Variants in PQBP1 observed in about 807,000 individuals in gnomAD.
The protein encoded by PQBP1 is polyglutamine binding protein 1, also known as polyglutamine-binding protein 1.
A neutral mutation model predicts 20.9 loss-of-function variants in PQBP1; 3 were observed. That is an observed-to-expected ratio of 0.14 (90% confidence interval 0.07 to 0.37). The LOEUF (loss-of-function observed/expected upper bound fraction) is 0.37. PQBP1 is among the 10% of genes least tolerant of loss of function. The probability of loss-of-function intolerance (pLI) is 1.00; values close to 1 mark genes in which losing one functional copy is unlikely to be tolerated. For missense variants in PQBP1, 162 were observed against 240.3 expected (o/e 0.67, Z 2.16); for synonymous variants, 83 against 93.8 (o/e 0.88, Z 0.67).
intron 1 of PQBP1, 37 bp downstream of exon 1, chrX:48,898,119 G>A (rs2063336605): frequency 6.9e-6 from 7 of 1,015,066 alleles, no homozygotes; most frequent in Non-Finnish European, 8.8e-6. Context: ...TGGAGCTGGA[G>A]GAAGTGCTGC....
At chrX:48,899,265 G>A (rs1428797675) in intron 2 of PQBP1, among the ~76,000 whole-genome samples, 1 of 111,733 alleles carries the variant, frequency 8.9e-6, no homozygotes, top group Non-Finnish European at 1.9e-5. Context: ...ACAGGCATAA[G>A]CCACTGTGCC....
At chrX:48,901,409 T>C (rs1393407987) in intron 3 of PQBP1, 108 bp downstream of exon 3, 2 of 1,152,204 alleles carry the variant, frequency 1.7e-6, no homozygotes, top group African/African-American at 3.6e-5. Context: ...TGGAGGGTGT[T>C]GGCATTAGGT....
In PQBP1 at chrX:48,903,060, C is replaced by G. The variant is rs1557041925; in HGVS notation, c.774C>G (p.Ala258=). 8.3e-7 allele frequency: 1 copy of G among 1,208,558 alleles called. No individual in the cohort carries two copies. Among genetic ancestry groups the G allele is most frequent in the East Asian group, 3.0e-5 (1 of 33,755 alleles). Residue 258 remains alanine (A), a synonymous_variant, in exon 7 of 7, where the codon GCC becomes GCG. Coordinates refer to ENST00000447146, the MANE Select transcript of PQBP1 (RefSeq NM_001032382.2). ...CTGTGCTCCGGGCCAATGCAGAGGC[C>G]TCCCGAACCAAGCAGCAGGATTGAA... ...PGAVLRANAE[A]SRTKQQD is the part of the protein sequence containing the mutation.
In PQBP1 at chrX:48,898,216, G is replaced by A; in HGVS notation, c.-19+134G>A. On this transcript the variant is annotated intron_variant, in intron 1 of 6. Coordinates refer to ENST00000447146, the MANE Select transcript of PQBP1 (RefSeq NM_001032382.2). ...TGAGCCCATTTCTGAAGTGCGGAGG[G>A]GCCGGGCTTCTTAGGCTGTGGGCGG... 3.1e-6 allele frequency: 3 copies of A among 974,156 alleles called. No homozygotes were observed. The South Asian group carries it at 6.3e-5, about 21-fold the overall frequency. The allele number at this position is 974,156 out of a possible 1,213,427, so 80.3% of individuals were successfully genotyped here. A position where few individuals can be genotyped will look rare whatever the true frequency, so the allele number is the denominator to read the frequency against.
rs782104114 is a variant in PQBP1 at position 48,899,877 on chromosome X, A to G, written c.67+1301A>G. Among the ~76,000 whole-genome samples, 6 of 111,973 alleles carry G rather than the reference A, an allele frequency of 5.4e-5. No homozygotes were observed. The East Asian group carries it at 1.4e-3, about 26-fold the overall frequency. ...TATAGTGTGCCAGGCACTGGAAAAT[A>G]TATCTTCTCCTTATTGATAACTGAC... is the stretch of plus-strand genomic sequence containing the variant. On this transcript the variant is annotated intron_variant, in intron 2 of 6. Coordinates refer to ENST00000447146, the MANE Select transcript of PQBP1 (RefSeq NM_001032382.2).
chrX:48,900,782 G>C, intron 2 of PQBP1, among the ~76,000 whole-genome samples: 1 of 109,388 alleles, frequency 9.1e-6, no homozygotes, highest in South Asian at 4.0e-4. Flanking sequence ...TCTCACAGAC[G>C]GGTTTTCACC....
intron 1 of PQBP1, 162 bp from the exon 2 acceptor site, chrX:48,898,330 A>G: frequency 3.3e-6 from 2 of 611,374 alleles, no homozygotes; most frequent in South Asian, 4.8e-5. Context: ...ATTGCCACCT[A>G]CCTCTTACAT....
Position 48,901,911 on chromosome X carries a change from C to A in PQBP1, c.180-19C>A. ...GGCAAGGACATCTGTGCTGACACTT[C>A]TTTCCTGCGGCCCCACAGCGGGCTC... is the stretch of plus-strand genomic sequence containing the variant. On this transcript the variant is annotated intron_variant, in intron 3 of 6. Coordinates refer to ENST00000447146, the MANE Select transcript of PQBP1 (RefSeq NM_001032382.2). The A allele has an allele frequency of 8.3e-7, 1 of 1,211,379 alleles. No homozygotes were observed. Among genetic ancestry groups the A allele is most frequent in the Non-Finnish European group, 1.1e-6 (1 of 895,378 alleles).
At position 48,898,090 on chromosome X, in the gene PQBP1, T is replaced by G. The variant is rs1434599380; in HGVS notation, c.-19+8T>G. 2.5e-5 allele frequency: 26 copies of G among 1,021,683 alleles called. No homozygotes were observed. Among genetic ancestry groups the G allele is most frequent in the Non-Finnish European group, 3.1e-5 (25 of 801,883 alleles). The allele number at this position is 1,021,683 out of a possible 1,213,427, so 84.2% of individuals were successfully genotyped here. A position where few individuals can be genotyped will look rare whatever the true frequency, so the allele number is the denominator to read the frequency against. On this transcript the variant is annotated splice_region_variant and intron_variant, in intron 1 of 6. Coordinates refer to ENST00000447146, the MANE Select transcript of PQBP1 (RefSeq NM_001032382.2). ...ACCTGCACGAGTGTATTGGTAACGT[T>G]GGGGTGGGTGCACTCTTTTGGAGCT...
chrX:48,901,241 A>G lies in PQBP1; in HGVS notation c.119A>G (p.Tyr40Cys). ...GACTATGACGATGATCCTGTGGACT[A>G]CGAGGCCACCAGGTTGGAGGGCCTA... ...AEDYDDDPVD[Y>C]EATRLEGLPP... The change falls in exon 3 of 7, where the codon TAC becomes TGC. Residue 40 changes from tyrosine (Y) to cysteine (C), a missense_variant. Tyr to Cys is a radical substitution (Grantham distance 194). Coordinates refer to ENST00000447146, the MANE Select transcript of PQBP1 (RefSeq NM_001032382.2). 1.7e-6 allele frequency: 2 copies of G among 1,210,034 alleles called. No homozygotes were observed. Among genetic ancestry groups the G allele is most frequent in the Non-Finnish European group, 2.2e-6 (2 of 894,792 alleles).
chrX:48,898,226 C>T (rs2063338972), intron 1 of PQBP1, 144 bp downstream of exon 1: 1 of 948,469 alleles, frequency 1.1e-6, no homozygotes, highest in Admixed American at 2.7e-5. Flanking sequence ...GGCCGGGCTT[C>T]TTAGGCTGTG....
chrX:48,901,514 T>C (rs1557041106), intron 3 of PQBP1: 2 of 854,616 alleles, frequency 2.3e-6, no homozygotes, highest in Admixed American at 5.4e-5. Flanking sequence ...GTTTCACTCT[T>C]GTAGCCCGGG....
intron 3 of PQBP1, 165 bp downstream of exon 3, chrX:48,901,466 G>C (rs1420458201): frequency 2.9e-6 from 3 of 1,034,758 alleles, no homozygotes; most frequent in Non-Finnish European, 3.9e-6. Flanking sequence ...GCTCCTCTGG[G>C]GTTGGAAGAC....
rs782504525 is a variant in PQBP1, at chrX:48,901,998, C to T, written c.248C>T (p.Ser83Phe). The change falls in exon 4 of 7, where the codon TCC becomes TTC. Residue 83 changes from serine to phenylalanine, a missense_variant. Physicochemically the swap from Ser to Phe is radical, Grantham distance 155 (BLOSUM62 -2). Coordinates refer to ENST00000447146, the MANE Select transcript of PQBP1 (RefSeq NM_001032382.2). ...TGGCTCTCCCCACATGACCCCAACT[C>T]CGTGGTTACCAAATCGGCCAAGAAG... ...VSWLSPHDPN[S>F]VVTKSAKKLR... 8.3e-7 allele frequency: 1 copy of T among 1,211,923 alleles called. No individual in the cohort carries two copies. Among genetic ancestry groups the T allele is most frequent in the East Asian group, 3.0e-5 (1 of 33,862 alleles).
At chrX:48,898,298 G>T (rs1339271632) in intron 1 of PQBP1, 194 bp from the exon 2 acceptor site, 2 of 643,952 alleles carry the variant, frequency 3.1e-6, no homozygotes, top group Admixed American at 2.7e-5. Flanking sequence ...GGGACAGTAG[G>T]GTTGGTGGGA....
intron 2 of PQBP1, 130 bp downstream of exon 2, chrX:48,898,706 G>A: frequency 1.7e-6 from 1 of 589,629 alleles, no homozygotes; most frequent in South Asian, 2.5e-5. Flanking sequence ...GGCATTTTTC[G>A]TTGTTAACAA....
intron 2 of PQBP1, among the ~76,000 whole-genome samples, chrX:48,898,785 C>CTTTTTT (rs34214032): frequency 0.016 from 345 of 21,481 alleles, 90 homozygotes; most frequent in Non-Finnish European, 0.019. Context: ...ATATTTCATT[C>CTTTTTT]TTTTTTTTTT....
At chrX:48,901,054 T>G in intron 2 of PQBP1, 136 bp from the exon 3 acceptor site, 1 of 1,063,928 alleles carries the variant, frequency 9.4e-7, no homozygotes, top group Non-Finnish European at 1.3e-6. Flanking sequence ...ATACTTCATA[T>G]TCTTCCCGGC....
intron 2 of PQBP1, among the ~76,000 whole-genome samples, chrX:48,898,976 A>AT (rs782427442): frequency 0.059 from 3,194 of 54,011 alleles, 136 homozygotes; most frequent in African/African-American, 0.12. Context: ...ACACCTGGCA[A>AT]TTTTTTTTTT....
Sources: allele counts gnomAD v4.1 joint callset (sites outside exome capture counted in the v4.1 genomes callset), GRCh38; gene constraint gnomAD v4.1.1; transcripts MANE v1.5; gene names NCBI Gene and HGNC (gene_info 2026-07-23, HGNC 2026-07-21).